Variants in KCNIP4 observed in about 807,000 individuals in gnomAD.
KCNIP4 encodes Kv channel-interacting protein 4.
KCNIP4 carries 12 observed loss-of-function variants against 34.0 expected under a neutral mutation model. That is an observed-to-expected ratio of 0.35 (90% confidence interval 0.23 to 0.57). The LOEUF (loss-of-function observed/expected upper bound fraction) is 0.57. KCNIP4 is among the 20% of genes least tolerant of loss of function. The pLI is 0.83. For missense variants in KCNIP4, 238 were observed against 311.7 expected (o/e 0.76, Z 1.78); for synonymous variants, 124 against 102.2 (o/e 1.21, Z -1.29).
intron 3 of KCNIP4, among the ~76,000 whole-genome samples, chr4:20,778,058 G>A (rs1238632870): frequency 6.6e-6 from 1 of 152,108 alleles, no homozygotes; most frequent in Non-Finnish European, 1.5e-5. Flanking sequence ...AGGAACCAAG[G>A]AAGAAGAGGC....
intron 1 of KCNIP4, among the ~76,000 whole-genome samples, chr4:21,406,582 A>G (rs1034027977): frequency 1.3e-5 from 2 of 152,224 alleles, no homozygotes; most frequent in Non-Finnish European, 2.9e-5. Flanking sequence ...GGAGAGATAC[A>G]TAAGATAATC....
intron 1 of KCNIP4, among the ~76,000 whole-genome samples, chr4:21,650,989 T>C (rs116602249): frequency 3.0e-3 from 458 of 152,328 alleles, no homozygotes; most frequent in African/African-American, 0.01. Context: ...TGAGCAATAG[T>C]GACTCTCCTG....
chr4:21,637,586 C>G (rs905050205), intron 1 of KCNIP4, among the ~76,000 whole-genome samples: 1 of 151,910 alleles, frequency 6.6e-6, no homozygotes, highest in Non-Finnish European at 1.5e-5. Flanking sequence ...CATTCAAGAC[C>G]AGACTGGTGA....
chr4:21,877,904 A>C (rs143041499), intron 1 of KCNIP4, among the ~76,000 whole-genome samples: 1,569 of 152,330 alleles, frequency 0.01, 16 homozygotes, highest in Non-Finnish European at 0.015. Context: ...GGGGTTGTGG[A>C]CAAAGAGCCA....
chr4:21,022,354 A>C (rs539354437), intron 1 of KCNIP4, among the ~76,000 whole-genome samples: 57 of 152,354 alleles, frequency 3.7e-4, no homozygotes, highest in African/African-American at 1.4e-3. Context: ...AACAAACTCA[A>C]ACCCATTCTT....
intron 2 of KCNIP4, among the ~76,000 whole-genome samples, chr4:20,857,418 G>T (rs1047400239): frequency 6.6e-6 from 1 of 152,150 alleles, no homozygotes; most frequent in Non-Finnish European, 1.5e-5. Context: ...GATGGGCAAG[G>T]TGCTTGATTG....
chr4:21,464,096 T>A (rs1729708857), intron 1 of KCNIP4, among the ~76,000 whole-genome samples: 1 of 152,026 alleles, frequency 6.6e-6, no homozygotes, highest in South Asian at 2.1e-4. Flanking sequence ...ACTTATACCT[T>A]CTTTCCTTTC....
intron 1 of KCNIP4, among the ~76,000 whole-genome samples, chr4:21,484,384 G>A (rs358583): frequency 0.01 from 1,526 of 151,990 alleles, 28 homozygotes; most frequent in African/African-American, 0.034. Flanking sequence ...GCGAGATCAC[G>A]CCATTGCACT....
intron 1 of KCNIP4, among the ~76,000 whole-genome samples, chr4:21,773,748 T>TG (rs1553930254): frequency 0.092 from 12,752 of 138,958 alleles, 2,049 homozygotes; most frequent in African/African-American, 0.35. Context: ...TTTTGTTGTT[T>TG]TTTTTTTTTT....
intron 1 of KCNIP4, among the ~76,000 whole-genome samples, chr4:21,427,115 T>C (rs1725997804): frequency 6.6e-6 from 1 of 151,838 alleles, no homozygotes; most frequent in African/African-American, 2.4e-5. Context: ...GTCTACTTAG[T>C]AGGAACCTTA....
intron 3 of KCNIP4, among the ~76,000 whole-genome samples, chr4:20,771,438 A>G (rs1755870308): frequency 6.6e-6 from 1 of 152,180 alleles, no homozygotes; most frequent in South Asian, 2.1e-4. Context: ...ATTCTAACAT[A>G]AGCTACAACC....
At chr4:21,727,796 T>C (rs1005663195) in intron 1 of KCNIP4, among the ~76,000 whole-genome samples, 1 of 152,084 alleles carries the variant, frequency 6.6e-6, no homozygotes, top group African/African-American at 2.4e-5. Flanking sequence ...ACCACTGCAT[T>C]CCAGCCTGGG....
At chr4:20,761,958 A>G (rs1318191053) in intron 3 of KCNIP4, among the ~76,000 whole-genome samples, 4 of 152,176 alleles carry the variant, frequency 2.6e-5, no homozygotes, top group African/African-American at 9.7e-5. Flanking sequence ...AGGAACTGGG[A>G]CTGCTACAAT....
At chr4:21,682,042 T>A (rs566725065) in intron 1 of KCNIP4, among the ~76,000 whole-genome samples, 3 of 152,026 alleles carry the variant, frequency 2.0e-5, no homozygotes, top group East Asian at 1.9e-4. Flanking sequence ...GCATGCACTA[T>A]CATGCCCAGC....
chr4:21,778,880 A>C (rs1719378124), intron 1 of KCNIP4, among the ~76,000 whole-genome samples: 1 of 152,128 alleles, frequency 6.6e-6, no homozygotes. Context: ...TAACTGTGTA[A>C]CCTTGGGCAA....
chr4:21,751,601 C>T (rs911714193), intron 1 of KCNIP4, among the ~76,000 whole-genome samples: 7 of 152,056 alleles, frequency 4.6e-5, no homozygotes, highest in African/African-American at 9.7e-5. Context: ...CTTTTGTTTG[C>T]GTTTGAAATT....
intron 1 of KCNIP4, among the ~76,000 whole-genome samples, chr4:21,499,346 A>AAAAAAAAAAC (rs1491409328): frequency 6.7e-6 from 1 of 148,660 alleles, no homozygotes; most frequent in African/African-American, 2.5e-5. Context: ...AAAAAAAAAA[A>AAAAAAAAAAC]CAACTACATA....
chr4:20,998,633 A>G (rs1259346606), intron 1 of KCNIP4, among the ~76,000 whole-genome samples: 2 of 152,234 alleles, frequency 1.3e-5, no homozygotes, highest in African/African-American at 4.8e-5. Context: ...TGAAGGGCTG[A>G]AATTTTAATT....
chr4:21,494,287 C>T lies in KCNIP4; in HGVS notation c.61+454284G>A, dbSNP rs547459138. Among the ~76,000 whole-genome samples the T allele has an allele frequency of 2.6e-5, 4 of 151,966 alleles. No individual in the cohort carries two copies. The South Asian group carries it at 6.2e-4, about 24-fold the overall frequency. ...TAAATCCAAGATAATTAACTCAAAA[C>T]TTTTTAGATGTTATAAGGATTGACT... On this transcript the variant is annotated intron_variant, in intron 1 of 8. Coordinates refer to ENST00000382152, the MANE Select transcript of KCNIP4 (RefSeq NM_025221.6).
Sources: allele counts gnomAD v4.1 joint callset (sites outside exome capture counted in the v4.1 genomes callset), GRCh38; gene constraint gnomAD v4.1.1; transcripts MANE v1.5; gene names NCBI Gene and HGNC (gene_info 2026-07-23, HGNC 2026-07-21).